CCSER1: variants seen among roughly 807,000 people sequenced by gnomAD.
CCSER1 encodes coiled-coil serine rich protein 1, also known as serine-rich coiled-coil domain-containing protein 1.
A neutral mutation model predicts 82.0 loss-of-function variants in CCSER1; 41 were observed. The ratio of observed to expected loss-of-function variants is 0.50; its 90% CI spans 0.39 to 0.65. The LOEUF (loss-of-function observed/expected upper bound fraction) is 0.65. Ranked by LOEUF, CCSER1 falls within the 30% of genes least tolerant of loss-of-function variation. The probability of loss-of-function intolerance (pLI) is 0.00; values close to 1 mark genes in which losing one functional copy is unlikely to be tolerated. For synonymous variants in CCSER1, 414 were observed against 383.9 expected (o/e 1.08, Z -0.92); for missense variants, 1,119 against 1,064.2 (o/e 1.05, Z -0.72).
intron 1 of CCSER1, among the ~76,000 whole-genome samples, chr4:90,228,963 G>C (rs1031787065): frequency 1.3e-5 from 2 of 152,168 alleles, no homozygotes; most frequent in East Asian, 3.9e-4. Flanking sequence ...AAGAAATATG[G>C]GACTACGTGT....
At chr4:90,576,824 AT>A (rs1232804544) in intron 5 of CCSER1, among the ~76,000 whole-genome samples, 3 of 152,182 alleles carry the variant, frequency 2.0e-5, no homozygotes, top group African/African-American at 7.2e-5. Context: ...TAACGTTTCT[AT>A]AAATACCTGT....
intron 4 of CCSER1, among the ~76,000 whole-genome samples, chr4:90,432,767 C>G (rs1560509678): frequency 6.6e-6 from 1 of 152,126 alleles, no homozygotes; most frequent in Admixed American, 6.6e-5. Flanking sequence ...AATAATAAGA[C>G]AGTTCTAAGC....
intron 10 of CCSER1, among the ~76,000 whole-genome samples, chr4:91,378,588 G>C (rs978952196): frequency 4.2e-4 from 64 of 152,182 alleles, no homozygotes; most frequent in Non-Finnish European, 1.5e-4. Flanking sequence ...TGTGACTTTT[G>C]CACATTGATT....
At chr4:91,257,540 A>G (rs544334844) in intron 10 of CCSER1, among the ~76,000 whole-genome samples, 29 of 116,170 alleles carry the variant, frequency 2.5e-4, no homozygotes, top group Admixed American at 4.2e-4. Context: ...CTAATGTAAA[A>G]TGGGCAACTA....
At chr4:90,704,440 C>T (rs191401085) in intron 6 of CCSER1, among the ~76,000 whole-genome samples, 3 of 152,278 alleles carry the variant, frequency 2.0e-5, no homozygotes, top group Admixed American at 2.0e-4. Context: ...GTGAATCTGA[C>T]AATTATGTGG....
chr4:90,902,480 CCTTGAATG>C (rs1215961862), intron 8 of CCSER1, among the ~76,000 whole-genome samples: 1 of 151,550 alleles, frequency 6.6e-6, no homozygotes, highest in Non-Finnish European at 1.5e-5. Context: ...TTCCTTTCTC[CCTTGAATG>C]CTTGAATGTG....
At chr4:90,468,383 C>T in intron 5 of CCSER1, 29 bp downstream of exon 5, 1 of 1,579,694 alleles carries the variant, frequency 6.3e-7, no homozygotes, top group South Asian at 1.2e-5. Flanking sequence ...TTTTCAAGGC[C>T]TTGTAAAATC....
At chr4:91,152,485 G>T (rs971971799) in intron 10 of CCSER1, among the ~76,000 whole-genome samples, 1 of 152,114 alleles carries the variant, frequency 6.6e-6, no homozygotes, top group African/African-American at 2.4e-5. Context: ...TTGCCAGTCT[G>T]TATCTTTTAA....
intron 10 of CCSER1, among the ~76,000 whole-genome samples, chr4:91,291,857 G>A (rs1413817517): frequency 6.6e-6 from 1 of 151,990 alleles, no homozygotes; most frequent in African/African-American, 2.4e-5. Context: ...AATGTTCCTA[G>A]AGATTCTTGA....
intron 8 of CCSER1, among the ~76,000 whole-genome samples, chr4:90,915,480 A>G (rs13279680): frequency 6.6e-6 from 1 of 152,270 alleles, no homozygotes; most frequent in African/African-American, 2.4e-5. Flanking sequence ...CATGCTAACA[A>G]CTCTCAATAA....
intron 5 of CCSER1, among the ~76,000 whole-genome samples, chr4:90,585,729 A>G (rs1781928248): frequency 6.6e-6 from 1 of 152,180 alleles, no homozygotes; most frequent in African/African-American, 2.4e-5. Context: ...GTGTGACTAA[A>G]AATGTTAATG....
intron 8 of CCSER1, among the ~76,000 whole-genome samples, chr4:90,873,749 A>AT (rs1425870064): frequency 6.6e-6 from 1 of 152,074 alleles, no homozygotes; most frequent in Admixed American, 6.6e-5. Context: ...GAAAAAGGCA[A>AT]TTTTTAAAGC....
intron 4 of CCSER1, among the ~76,000 whole-genome samples, chr4:90,452,608 C>T (rs140537472): frequency 1.3e-5 from 2 of 152,320 alleles, no homozygotes; most frequent in African/African-American, 4.8e-5. Context: ...ACTCCCATGG[C>T]CATTGCCTTC....
In CCSER1 at chr4:90,409,966, G is replaced by T. The variant is rs1451971598; in HGVS notation, c.1603+9837G>T. 3.3e-5 allele frequency among the ~76,000 whole-genome samples: 5 copies of T among 152,192 alleles called. No individual in the cohort carries two copies. The South Asian group carries it at 8.3e-4, about 25-fold the overall frequency. ...CCAAGCAAATGGAAAACAAAAAAAG[G>T]CAGGGGTTGCAATCCTAGTCTCGGA... is the stretch of plus-strand genomic sequence containing the variant. On this transcript the variant is annotated intron_variant, in intron 4 of 10. Transcript: ENST00000509176.
intron 10 of CCSER1, among the ~76,000 whole-genome samples, chr4:91,486,165 ATATAT>A (rs540005196): frequency 1.3e-3 from 200 of 151,782 alleles, no homozygotes; most frequent in African/African-American, 4.6e-3. Context: ...TATTATGAAA[ATATAT>A]TGTATATATT....
intron 10 of CCSER1, among the ~76,000 whole-genome samples, chr4:91,442,110 G>T (rs1755205826): frequency 6.6e-6 from 1 of 151,668 alleles, no homozygotes. Flanking sequence ...TCACAGAATT[G>T]GAAAAAACTA....
chr4:90,352,102 A>G (rs1483649620), intron 3 of CCSER1, among the ~76,000 whole-genome samples: 3 of 152,154 alleles, frequency 2.0e-5, no homozygotes, highest in African/African-American at 7.2e-5. Flanking sequence ...AGCCGAGCGG[A>G]TCACAAGGTC....
chr4:91,079,978 A>T (rs1337078760), intron 9 of CCSER1, among the ~76,000 whole-genome samples: 1 of 152,206 alleles, frequency 6.6e-6, no homozygotes, highest in Non-Finnish European at 1.5e-5. Flanking sequence ...GCAGACTTTA[A>T]CAACCCCCTG....
At chr4:91,443,647 A>G (rs1480010647) in intron 10 of CCSER1, among the ~76,000 whole-genome samples, 1 of 150,712 alleles carries the variant, frequency 6.6e-6, no homozygotes, top group South Asian at 2.1e-4. Flanking sequence ...TAAAACTTAA[A>G]GTATAATAAT....
Sources: gnomAD v4.1 joint callset for allele counts (sites outside exome capture counted in the v4.1 genomes callset) on GRCh38, gnomAD v4.1.1 for gene constraint, MANE v1.5 for transcripts, NCBI Gene and HGNC (gene_info 2026-07-23, HGNC 2026-07-21) for gene names.